ZNF333: variants seen among roughly 807,000 people sequenced by gnomAD.
ZNF333 encodes zinc finger protein 333.
ZNF333 carries 61 observed loss-of-function variants against 76.1 expected under a neutral mutation model. The ratio of observed to expected loss-of-function variants is 0.80; its 90% CI spans 0.65 to 0.99. The LOEUF (loss-of-function observed/expected upper bound fraction) is 0.99. ZNF333 is among the 50% of genes least tolerant of loss of function. ZNF333 has a pLI of 0.00. For synonymous variants in ZNF333, 284 were observed against 305.0 expected, an observed-to-expected ratio of 0.93 and a Z score of 0.72; for missense variants, 717 against 822.4, an observed-to-expected ratio of 0.87 and a Z score of 1.57.
chr19:14,695,036 C>T lies in ZNF333; in HGVS notation c.30C>T (p.Ala10=), dbSNP rs770601420. 1.7e-5 allele frequency: 27 copies of T among 1,613,962 alleles called. No homozygotes were observed. The highest frequency in any genetic ancestry group is 2.7e-5 in the African/African-American group (2 of 74,878). ...AATCCGTCACCTTTGAGGATGTGGC[C>T]GTGGAGTTCATCCAGGAGTGGGCAT... The part of the protein sequence containing the change: MESVTFEDV[A]VEFIQEWALL... Residue 10 remains alanine, a synonymous_variant, in exon 3 of 12, where the codon GCC becomes GCT. Transcript: ENST00000292530.
At chr19:14,722,683 G>C (rs1351780913), downstream of ZNF333, among the ~76,000 whole-genome samples, 1 of 152,148 alleles carries the variant, frequency 6.6e-6, no homozygotes, top group Non-Finnish European at 1.5e-5. Flanking sequence ...CAAATCTAAT[G>C]TCGTGAGGCT....
chr19:14,724,066 G>A (rs1447870683), downstream of ZNF333, among the ~76,000 whole-genome samples: 4 of 152,104 alleles, frequency 2.6e-5, no homozygotes, highest in Middle Eastern at 3.4e-3. Flanking sequence ...CACCCTGCAG[G>A]GTGTCTCCAT....
At chr19:14,707,614 C>T (rs1243222764) in intron 7 of ZNF333, among the ~76,000 whole-genome samples, 41 of 141,700 alleles carry the variant, frequency 2.9e-4, no homozygotes, top group Admixed American at 2.2e-4. Context: ...TGCAGTGGCA[C>T]TATCCCGGCT....
At chr19:14,723,835 G>C (rs1014837882), downstream of ZNF333, among the ~76,000 whole-genome samples, 5 of 152,320 alleles carry the variant, frequency 3.3e-5, no homozygotes, top group African/African-American at 1.2e-4. Flanking sequence ...AAACTCAAGT[G>C]TGAGAAATGA....
At position 14,721,055 on chromosome 19, in the gene ZNF333, A is replaced by G. The variant is rs1364618775; in HGVS notation, c.*1730A>G. 2 of 775,574 alleles carry G rather than the reference A, an allele frequency of 2.6e-6. No individual in the cohort carries two copies. Among genetic ancestry groups the G allele is most frequent in the Non-Finnish European group, 3.1e-6 (2 of 639,024 alleles). The allele number at this position is 775,574 out of a possible 1,614,324, so 48.0% of individuals were successfully genotyped here. A position where few individuals can be genotyped will look rare whatever the true frequency, so the allele number is the denominator to read the frequency against. On this transcript the variant is annotated 3_prime_UTR_variant, in exon 12 of 12. Coordinates refer to ENST00000292530, the MANE Select transcript of ZNF333 (RefSeq NM_032433.4). ...GTAATGATAGTAAATACTTATTTAG[A>G]GTTTACTATTAATAGATAGTAGCCA... is the stretch of plus-strand genomic sequence containing the variant.
chr19:14,702,521 C>CA (rs2041986506), intron 5 of ZNF333, among the ~76,000 whole-genome samples: 1 of 151,858 alleles, frequency 6.6e-6, no homozygotes, highest in South Asian at 2.1e-4. Flanking sequence ...GATTCTGTCT[C>CA]AAAAAAAGAA....
At chr19:14,716,050 G>C in intron 8 of ZNF333, 62 bp from the exon 9 acceptor site, 2 of 1,602,040 alleles carry the variant, frequency 1.2e-6, no homozygotes, top group Non-Finnish European at 1.7e-6. Context: ...CCAGCCTCCA[G>C]CATCCTCTGG....
At position 14,719,737 on chromosome 19, in the gene ZNF333, G is replaced by A; in HGVS notation, c.*412G>A. On this transcript the variant is annotated 3_prime_UTR_variant, in exon 12 of 12. Coordinates refer to ENST00000292530, the MANE Select transcript of ZNF333 (RefSeq NM_032433.4). Reference sequence around the variant, plus strand: ...TTTAATTACATGGTGAGAAGAGTATGTGGCCTCTTTGTTACTGAGTCATAG... The same window carrying A: ...TTTAATTACATGGTGAGAAGAGTATATGGCCTCTTTGTTACTGAGTCATAG... 2.0e-6 allele frequency: 2 copies of A among 1,000,118 alleles called. No individual in the cohort carries two copies. The highest frequency in any genetic ancestry group is 2.4e-6 in the Non-Finnish European group (2 of 839,494). 62.0% of individuals were successfully genotyped at this position (1,000,118 alleles called of 1,614,324 possible).
exon 12 of ZNF333, chr19:14,731,325 GACTTTCAA>G (rs1158401977): frequency 2.4e-6 from 2 of 841,962 alleles, no homozygotes; most frequent in Non-Finnish European, 3.7e-6. Flanking sequence ...AGTGGCCTTG[GACTTTCAA>G]ACTTCCAGTT....
chr19:14,724,855 G>T (rs779350855), downstream of ZNF333, among the ~76,000 whole-genome samples: 2 of 152,084 alleles, frequency 1.3e-5, no homozygotes, highest in African/African-American at 4.8e-5. Context: ...AATTCTTTCC[G>T]TGAAAATATT....
intron 5 of ZNF333, among the ~76,000 whole-genome samples, chr19:14,702,449 A>G (rs1426559400): frequency 6.6e-6 from 1 of 152,186 alleles, no homozygotes; most frequent in Non-Finnish European, 1.5e-5. Context: ...GAGCCCAGGA[A>G]TTCAAGGCTG....
intron 11 of ZNF333, among the ~76,000 whole-genome samples, chr19:14,727,193 A>C (rs977462424): frequency 1.3e-5 from 2 of 151,832 alleles, no homozygotes; most frequent in Non-Finnish European, 2.9e-5. Flanking sequence ...ACGCCTGGCT[A>C]ATTTTTTTGT....
intron 7 of ZNF333, 97 bp from the exon 8 acceptor site, chr19:14,715,285 A>G (rs1332068548): frequency 2.2e-5 from 21 of 971,620 alleles, no homozygotes; most frequent in Admixed American, 9.9e-5. Flanking sequence ...GTGTGTACAC[A>G]TGTGATCACT....
rs960236064 is a variant in ZNF333, at chr19:14,693,342, A to G, written c.-41-109A>G. The stretch of plus-strand genomic sequence containing the variant: ...GGGGGCCAACATGTTGCTTATGGAG[A>G]TAAATGTCCTGTAAGGGTTTTGATT... On this transcript the variant is annotated intron_variant, in intron 1 of 11. Coordinates refer to ENST00000292530, the MANE Select transcript of ZNF333 (RefSeq NM_032433.4). 1.5e-5 allele frequency: 11 copies of G among 723,898 alleles called. No individual in the cohort carries two copies. The East Asian group carries it at 3.2e-4, about 21-fold the overall frequency. 44.8% of individuals were successfully genotyped at this position (723,898 alleles called of 1,614,324 possible).
At chr19:14,700,015 G>A (rs3850142) in intron 5 of ZNF333, among the ~76,000 whole-genome samples, 1 of 151,614 alleles carries the variant, frequency 6.6e-6, no homozygotes, top group African/African-American at 2.4e-5. Flanking sequence ...TCTTTTTTTG[G>A]TTTTTAAAAG....
intron 1 of ZNF333, among the ~76,000 whole-genome samples, chr19:14,693,229 T>G (rs1972905203): frequency 2.0e-5 from 3 of 152,194 alleles, no homozygotes; most frequent in Admixed American, 2.0e-4. Context: ...AGAAGTATTT[T>G]GAGGGAAGCT....
At position 14,717,054 on chromosome 19, in the gene ZNF333, C is replaced by T. The variant is rs1207274171; in HGVS notation, c.788C>T (p.Thr263Ile). ...TTGGAAGAAAGAGGAGAGCAGTGGA[C>T]CACTGACAGGGGCGTCCTCTCAGAC... ...SYLEERGEQW[T>I]TDRGVLSDTC... Residue 263 changes from threonine to isoleucine, a missense_variant, in exon 10 of 12, where the codon ACC (threonine) becomes ATC (isoleucine). Thr to Ile is a moderately conservative substitution (Grantham distance 89). Transcript: ENST00000292530. 1 of 1,611,124 alleles carries T rather than the reference C, an allele frequency of 6.2e-7. No homozygotes were observed. The highest frequency in any genetic ancestry group is 8.5e-7 in the Non-Finnish European group (1 of 1,178,466).
intron 5 of ZNF333, among the ~76,000 whole-genome samples, chr19:14,699,905 T>C (rs1043307080): frequency 6.6e-6 from 1 of 152,102 alleles, no homozygotes; most frequent in Non-Finnish European, 1.5e-5. Context: ...TCCAGCTGTC[T>C]AAACAAGGCA....
At chr19:14,695,525 G>A in intron 3 of ZNF333, 41 bp from the exon 4 acceptor site, 1 of 1,568,656 alleles carries the variant, frequency 6.4e-7, no homozygotes, top group Non-Finnish European at 8.8e-7. Context: ...TCCCCTGCAA[G>A]CCCTCTCTCT....
Sources: allele counts gnomAD v4.1 joint callset (sites outside exome capture counted in the v4.1 genomes callset), GRCh38; gene constraint gnomAD v4.1.1; transcripts MANE v1.5; gene names NCBI Gene and HGNC (gene_info 2026-07-23, HGNC 2026-07-21).